HLCS: variants seen among roughly 807,000 people sequenced by gnomAD.
The protein encoded by HLCS is holocarboxylase synthetase, also known as biotin--protein ligase.
Under a neutral mutation model 75.0 loss-of-function variants are expected in HLCS, and 53 were observed. That is an observed-to-expected ratio of 0.71 (90% CI 0.57 to 0.89). HLCS has a LOEUF of 0.89. Ranked by LOEUF, HLCS falls within the 40% of genes least tolerant of loss-of-function variation. The pLI, the probability that HLCS is intolerant of heterozygous loss-of-function variation, is 0.00. For synonymous variants in HLCS, 431 were observed against 428.6 expected (o/e 1.01, Z -0.07); for missense variants, 966 against 1,074.0 (o/e 0.90, Z 1.41).
At chr21:36,881,939 G>A (rs2146274155) in intron 6 of HLCS, among the ~76,000 whole-genome samples, 1 of 152,104 alleles carries the variant, frequency 6.6e-6, no homozygotes, top group Non-Finnish European at 1.5e-5. Flanking sequence ...GGAAGCAGAG[G>A]TTGCAGTGAA....
At chr21:36,786,548 A>C (rs1465163539) in intron 6 of HLCS, among the ~76,000 whole-genome samples, 2 of 152,228 alleles carry the variant, frequency 1.3e-5, no homozygotes, top group African/African-American at 4.8e-5. Flanking sequence ...GTGGAGAAGG[A>C]AAGGATTTGG....
intron 2 of HLCS, among the ~76,000 whole-genome samples, chr21:36,955,720 A>C (rs1429620078): frequency 6.6e-6 from 1 of 152,232 alleles, no homozygotes; most frequent in East Asian, 1.9e-4. Context: ...ATAAAGTCTA[A>C]AGTAGTGACT....
At chr21:36,895,894 T>G (rs922825878) in intron 6 of HLCS, among the ~76,000 whole-genome samples, 7 of 152,230 alleles carry the variant, frequency 4.6e-5, no homozygotes, top group African/African-American at 1.7e-4. Flanking sequence ...TTTTTTAAAC[T>G]AAAATAGTAT....
intron 6 of HLCS, among the ~76,000 whole-genome samples, chr21:36,862,935 CTCTT>C (rs1447634164): frequency 8.9e-5 from 13 of 146,528 alleles, no homozygotes; most frequent in African/African-American, 2.3e-4. Flanking sequence ...CTTGTCATTT[CTCTT>C]TCTCTCTTTT....
intron 8 of HLCS, among the ~76,000 whole-genome samples, chr21:36,760,889 G>A (rs1019182917): frequency 6.6e-6 from 1 of 152,238 alleles, no homozygotes; most frequent in South Asian, 2.1e-4. Context: ...GGGGCTAGCC[G>A]AGTGGGTGTC....
intron 6 of HLCS, among the ~76,000 whole-genome samples, chr21:36,840,612 A>G (rs116066251): frequency 0.014 from 2,087 of 152,166 alleles, 49 homozygotes; most frequent in African/African-American, 0.047. Context: ...TTTTATTTCA[A>G]TTAATTAATT....
At chr21:36,821,912 G>A (rs973217146) in intron 6 of HLCS, among the ~76,000 whole-genome samples, 8 of 151,998 alleles carry the variant, frequency 5.3e-5, no homozygotes, top group African/African-American at 1.9e-4. Context: ...AGACGGGAGG[G>A]GAGAGGAAAG....
At chr21:36,791,142 C>T (rs1320322241) in intron 6 of HLCS, among the ~76,000 whole-genome samples, 1 of 152,274 alleles carries the variant, frequency 6.6e-6, no homozygotes, top group East Asian at 1.9e-4. Context: ...ACCTGCTCAC[C>T]GTGCCTCAGG....
upstream of HLCS, among the ~76,000 whole-genome samples, chr21:36,970,400 T>TTTTTGTATTTTTTGTAGAGACAAGGTA (rs2068753262): frequency 5.3e-5 from 8 of 152,100 alleles, no homozygotes. Flanking sequence ...ACCTGGCTAA[T>TTTTTGTATTTTTTGTAGAGACAAGGTA]TTTTGTATTT....
chr21:36,951,485 C>T (rs2067667352), intron 2 of HLCS, among the ~76,000 whole-genome samples: 1 of 152,212 alleles, frequency 6.6e-6, no homozygotes, highest in Admixed American at 6.5e-5. Context: ...GTAGGTCCCC[C>T]CCATAATCCC....
chr21:36,898,446 CAA>C (rs58625493), intron 5 of HLCS, among the ~76,000 whole-genome samples: 3 of 49,536 alleles, frequency 6.1e-5, no homozygotes, highest in African/African-American at 8.7e-5. Flanking sequence ...AACTCCATCT[CAA>C]AAAAAAAAAA....
intron 6 of HLCS, among the ~76,000 whole-genome samples, chr21:36,818,823 C>T (rs2061739885): frequency 6.6e-6 from 1 of 152,324 alleles, no homozygotes; most frequent in East Asian, 1.9e-4. Flanking sequence ...AGCATTTATA[C>T]AGGCATTTAC....
At chr21:36,868,986 T>C (rs767179771) in intron 6 of HLCS, among the ~76,000 whole-genome samples, 4 of 152,068 alleles carry the variant, frequency 2.6e-5, no homozygotes, top group Non-Finnish European at 5.9e-5. Context: ...ACCGCACAGG[T>C]TGTGTCTGAG....
At chr21:36,787,329 C>A (rs1555890264) in intron 6 of HLCS, among the ~76,000 whole-genome samples, 2 of 152,150 alleles carry the variant, frequency 1.3e-5, no homozygotes, top group Non-Finnish European at 2.9e-5. Flanking sequence ...CTGTTCCTAA[C>A]CACAATGGGC....
chr21:36,925,445 C>T lies in HLCS; in HGVS notation c.1620+4806G>A, dbSNP rs149353809. ...GCTCCCCAGATCCTAAGCAGATGTC[C>T]CAGGCTACGGGAGCAATGCACAAGC... On this transcript the variant is annotated intron_variant, in intron 5 of 10. Coordinates refer to ENST00000674895, the MANE Select transcript of HLCS (RefSeq NM_001352514.2). Among the ~76,000 whole-genome samples, 21 of 152,314 alleles carry T rather than the reference C, an allele frequency of 1.4e-4. No individual in the cohort carries two copies. The East Asian group carries it at 4.0e-3, about 29-fold the overall frequency.
intron 1 of HLCS, among the ~76,000 whole-genome samples, chr21:36,988,060 T>A (rs987117095): frequency 5.9e-5 from 9 of 152,172 alleles, no homozygotes; most frequent in Non-Finnish European, 1.3e-4. Flanking sequence ...CCCCATCTTA[T>A]GTTGATTTAG....
chr21:36,888,217 G>A (rs1040026634), intron 6 of HLCS, among the ~76,000 whole-genome samples: 3 of 151,434 alleles, frequency 2.0e-5, no homozygotes, highest in Non-Finnish European at 4.4e-5. Context: ...CTGTCCTCTC[G>A]GGCCTCGACT....
At position 36,926,741 on chromosome 21, in the gene HLCS, C is replaced by CTTT. The variant is rs34057978; in HGVS notation, c.1620+3507_1620+3509dup. Among the ~76,000 whole-genome samples the CTTT allele has an allele frequency of 2.0e-4, 26 of 127,040 alleles. 1 individual carries two copies. The highest frequency in any genetic ancestry group is 5.2e-4 in the South Asian group (2 of 3,858). 83.3% of individuals were successfully genotyped at this position (127,040 alleles called of 152,430 possible). ...CCAGATTTCCTTCCAGTCTTGTTTC[C>CTTT]TTTTTTTTTTTTTTTTTTTGAGACA... On this transcript the variant is annotated intron_variant, in intron 5 of 10. Coordinates refer to ENST00000674895, the MANE Select transcript of HLCS (RefSeq NM_001352514.2).
chr21:36,816,794 C>T (rs1045021623), intron 6 of HLCS, among the ~76,000 whole-genome samples: 2 of 152,298 alleles, frequency 1.3e-5, no homozygotes, highest in African/African-American at 2.4e-5. Context: ...ATAGCCACCA[C>T]GAATCTAGTA....
Sources: allele counts gnomAD v4.1 joint callset (sites outside exome capture counted in the v4.1 genomes callset), GRCh38; gene constraint gnomAD v4.1.1; transcripts MANE v1.5; gene names NCBI Gene and HGNC (gene_info 2026-07-23, HGNC 2026-07-21).